TBC1D31: variants seen among roughly 807,000 people sequenced by gnomAD.
TBC1D31 encodes the protein TBC1 domain family member 31, also known as WD repeat domain 67.
In TBC1D31, 99 loss-of-function variants were observed where a neutral mutation model predicts 132.9. That is an observed-to-expected ratio of 0.74 (90% confidence interval 0.63 to 0.88). The LOEUF (loss-of-function observed/expected upper bound fraction) is 0.88. Ranked by LOEUF, TBC1D31 falls within the 40% of genes least tolerant of loss-of-function variation. The probability of loss-of-function intolerance (pLI) is 0.00; values close to 1 mark genes in which losing one functional copy is unlikely to be tolerated. For missense variants in TBC1D31, 1,134 were observed against 1,256.6 expected (o/e 0.90, Z 1.48); for synonymous variants, 385 against 419.4 (o/e 0.92, Z 1.00).
Position 123,140,812 on chromosome 8 carries a change from G to C in TBC1D31, c.2551G>C (p.Asp851His), listed in dbSNP as rs1310191177. The stretch of plus-strand genomic sequence containing the variant: ...TGCAAAAGAAATGCGAGCAGATGCA[G>C]ATGCCTATAGACGAAAAGTGGATCT... Reference protein sequence around the residue: ...ALAKEMRADADAYRRKVDLEE... With the variant: ...ALAKEMRADAHAYRRKVDLEE... The change falls in exon 18 of 22, where the codon GAT (aspartate) becomes CAT (histidine). Residue 851 changes from aspartate (D) to histidine (H), a missense_variant. Physicochemically the swap from Asp to His is moderately conservative, Grantham distance 81 (BLOSUM62 -1). Transcript: ENST00000287380. 1 of 1,613,218 alleles carries C rather than the reference G, an allele frequency of 6.2e-7. No individual in the cohort carries two copies. The highest frequency in any genetic ancestry group is 1.3e-5 in the African/African-American group (1 of 75,016).
chr8:123,126,804 C>T (rs778256099), intron 13 of TBC1D31, 117 bp downstream of exon 13: 104 of 873,970 alleles, frequency 1.2e-4, no homozygotes, highest in Admixed American at 3.6e-4. Flanking sequence ...TGCAATGGCG[C>T]GATCTCAGCT....
intron 4 of TBC1D31, among the ~76,000 whole-genome samples, chr8:123,084,870 A>T (rs1448899085): frequency 6.6e-6 from 1 of 151,750 alleles, no homozygotes; most frequent in Non-Finnish European, 1.5e-5. Context: ...ACTTACTGTA[A>T]CCTCTGCCTT....
intron 7 of TBC1D31, among the ~76,000 whole-genome samples, chr8:123,101,891 C>T (rs1282474608): frequency 6.6e-6 from 1 of 152,190 alleles, no homozygotes; most frequent in African/African-American, 2.4e-5. Flanking sequence ...AATAATTCAT[C>T]ATCATTTCTT....
Position 123,083,983 on chromosome 8 carries a change from A to G in TBC1D31, c.341-179A>G, listed in dbSNP as rs80329189. 4.2e-3 allele frequency: 2,237 copies of G among 537,174 alleles called. 65 individuals are homozygous for G. The East Asian group carries it at 0.058, about 14-fold the overall frequency. 33.3% of individuals were successfully genotyped at this position (537,174 alleles called of 1,614,324 possible). On this transcript the variant is annotated intron_variant, in intron 3 of 21. Coordinates refer to ENST00000287380, the MANE Select transcript of TBC1D31 (RefSeq NM_145647.4). ...CCTACATGAATGAGATGTTGCTAACATGTTCCGTCATACACTTTATCAACT... is the reference window on the plus strand; with the variant it reads ...CCTACATGAATGAGATGTTGCTAACGTGTTCCGTCATACACTTTATCAACT...
intron 5 of TBC1D31, among the ~76,000 whole-genome samples, chr8:123,094,309 G>A (rs112955649): frequency 4.0e-5 from 6 of 151,828 alleles, no homozygotes; most frequent in Non-Finnish European, 5.9e-5. Context: ...TGATCCGCCC[G>A]CCTCGGCCTC....
intron 11 of TBC1D31, among the ~76,000 whole-genome samples, chr8:123,121,391 A>G (rs1212172169): frequency 6.6e-6 from 1 of 152,188 alleles, no homozygotes; most frequent in Non-Finnish European, 1.5e-5. Context: ...AAGGGTTGTC[A>G]TATGGTTTGG....
chr8:123,113,951 G>A (rs952231198), intron 10 of TBC1D31, among the ~76,000 whole-genome samples: 1 of 152,084 alleles, frequency 6.6e-6, no homozygotes, highest in African/African-American at 2.4e-5. Context: ...AATGAGTCTT[G>A]TTTAGACAAT....
chr8:123,144,896 T>G, intron 20 of TBC1D31, 41 bp downstream of exon 20: 1 of 1,565,528 alleles, frequency 6.4e-7, no homozygotes, highest in Non-Finnish European at 8.6e-7. Flanking sequence ...ATGTTACAGA[T>G]TTATTCTTTT....
At chr8:123,159,292 A>G in the TBC1D31 span, among the ~76,000 whole-genome samples, 6,117 of 151,416 alleles carry the variant, frequency 0.04, 194 homozygotes, top group Non-Finnish European at 0.064. Flanking sequence ...AAGAAAAAGA[A>G]AAAACGAAAA....
At chr8:123,155,302 C>A (rs1013247096), downstream of TBC1D31, among the ~76,000 whole-genome samples, 1 of 152,156 alleles carries the variant, frequency 6.6e-6, no homozygotes, top group African/African-American at 2.4e-5. This position sits in a 1 kb window ranked among gnomAD's most constrained non-coding sequence, Gnocchi z 4.1. Flanking sequence ...TCTGTGGTGA[C>A]TCATGCAACA....
At chr8:123,078,865 A>C (rs1017344731) in intron 2 of TBC1D31, among the ~76,000 whole-genome samples, 1 of 152,188 alleles carries the variant, frequency 6.6e-6, no homozygotes, top group East Asian at 1.9e-4. Context: ...AATACTTATT[A>C]ATTATAGAAG....
At chr8:123,161,285 G>A in the TBC1D31 span, among the ~76,000 whole-genome samples, 1 of 151,858 alleles carries the variant, frequency 6.6e-6, no homozygotes, top group Non-Finnish European at 1.5e-5. Flanking sequence ...CCGGGTCGGA[G>A]GTCACCTACC....
intron 15 of TBC1D31, among the ~76,000 whole-genome samples, chr8:123,129,717 C>A (rs1028629284): frequency 1.3e-5 from 2 of 152,068 alleles, no homozygotes; most frequent in African/African-American, 4.8e-5. Context: ...TACCTATAGT[C>A]CCAGCTACTA....
intron 6 of TBC1D31, 130 bp downstream of exon 6, chr8:123,097,571 T>A: frequency 8.7e-7 from 1 of 1,146,064 alleles, no homozygotes; most frequent in Non-Finnish European, 1.2e-6. Flanking sequence ...AATATGTTAT[T>A]TTTGTGAAGA....
intron 20 of TBC1D31, among the ~76,000 whole-genome samples, chr8:123,147,504 C>A (rs757216330): frequency 5.9e-5 from 9 of 152,096 alleles, no homozygotes; most frequent in Admixed American, 2.6e-4. Context: ...AATAGAAAAT[C>A]TTTAGAGAGC....
intron 10 of TBC1D31, among the ~76,000 whole-genome samples, chr8:123,116,273 T>C (rs1414071376): frequency 6.6e-6 from 1 of 152,148 alleles, no homozygotes; most frequent in Non-Finnish European, 1.5e-5. Flanking sequence ...TCTTACACCA[T>C]ATAAATTCTG....
In TBC1D31 at chr8:123,077,157, G is replaced by GT. The variant is rs766803767; in HGVS notation, c.128dup (p.Leu43PhefsTer9). Reference sequence around the variant, plus strand: ...CAACACTTCCGATTACCATCCAAAAGTTTTGCGATTTTTGAATGTGGCTTT... The same window carrying GT: ...CAACACTTCCGATTACCATCCAAAAGTTTTTGCGATTTTTGAATGTGGCTTT... On this transcript the variant is annotated frameshift_variant, in exon 2 of 22. Coordinates refer to ENST00000287380, the MANE Select transcript of TBC1D31 (RefSeq NM_145647.4). LOFTEE classifies it high-confidence loss of function. 1.2e-6 allele frequency: 2 copies of GT among 1,612,620 alleles called. No individual in the cohort carries two copies. Among genetic ancestry groups the GT allele is most frequent in the Non-Finnish European group, 1.7e-6 (2 of 1,179,468 alleles).
chr8:123,139,820 C>T (rs1190508879), intron 17 of TBC1D31, among the ~76,000 whole-genome samples: 1 of 152,136 alleles, frequency 6.6e-6, no homozygotes, highest in Non-Finnish European at 1.5e-5. Flanking sequence ...AGATCTACTG[C>T]CCCAAGTAGC....
chr8:123,118,267 T>C (rs565756699), intron 10 of TBC1D31, among the ~76,000 whole-genome samples: 1 of 150,022 alleles, frequency 6.7e-6, no homozygotes, highest in East Asian at 1.9e-4. Flanking sequence ...GAATAGCATG[T>C]GCCAGTGTTA....
Sources: allele counts gnomAD v4.1 joint callset (sites outside exome capture counted in the v4.1 genomes callset), GRCh38; gene constraint gnomAD v4.1.1; non-coding constraint Gnocchi (gnomAD v3.1); transcripts MANE v1.5; gene names NCBI Gene and HGNC (gene_info 2026-07-23, HGNC 2026-07-21).